The following TTC6 variants were observed in gnomAD, a reference collection of about 807,000 sequenced individuals.
TTC6 encodes tetratricopeptide repeat domain 6, also known as tetratricopeptide repeat protein 6.
In TTC6, 172 loss-of-function variants were observed where a neutral mutation model predicts 210.4. The observed-to-expected ratio is 0.82, with a 90% CI of 0.72 to 0.93. The LOEUF (loss-of-function observed/expected upper bound fraction) is 0.93, where lower values mean the gene tolerates loss of function less well. Ranked by LOEUF, TTC6 falls within the 40% of genes least tolerant of loss-of-function variation. TTC6 has a pLI of 0.00. For missense variants in TTC6, 2,414 were observed against 2,318.1 expected (o/e 1.04, Z -0.85); for synonymous variants, 804 against 819.6 (o/e 0.98, Z 0.32).
chr14:37,721,096 A>AAG (rs2095861027), intron 6 of TTC6, among the ~76,000 whole-genome samples: 1 of 151,642 alleles, frequency 6.6e-6, no homozygotes, highest in Non-Finnish European at 1.5e-5. Flanking sequence ...AAAAAAAAAA[A>AAG]GAAAAATAAG....
intron 1 of TTC6, among the ~76,000 whole-genome samples, chr14:37,623,785 C>T (rs117205238): frequency 2.4e-4 from 36 of 152,310 alleles, no homozygotes; most frequent in Non-Finnish European, 5.0e-4. Flanking sequence ...CATTGATTCA[C>T]TATGACTTGT....
intron 15 of TTC6, among the ~76,000 whole-genome samples, chr14:37,789,470 T>C (rs1374681320): frequency 1.3e-5 from 2 of 151,706 alleles, no homozygotes; most frequent in Admixed American, 6.6e-5. Context: ...ATAATGATGT[T>C]TCGGTCAAAA....
At chr14:37,741,781 C>T (rs1221600944) in intron 10 of TTC6, among the ~76,000 whole-genome samples, 2 of 152,140 alleles carry the variant, frequency 1.3e-5, no homozygotes, top group Non-Finnish European at 2.9e-5. Context: ...GCTACTGGAG[C>T]CATCTCACCC....
In TTC6 at chr14:37,724,878, C is replaced by G. The variant is rs1034373031; in HGVS notation, c.1714-20C>G. 1.4e-6 allele frequency: 2 copies of G among 1,396,460 alleles called. No individual in the cohort carries two copies. The highest frequency in any genetic ancestry group is 1.9e-6 in the Non-Finnish European group (2 of 1,034,676). 86.5% of individuals were successfully genotyped at this position (1,396,460 alleles called of 1,614,324 possible). ...GCCATTTCTTACCATTTCTAATAAC[C>G]TTTTATGTTATTTTCAAAGATGTAT... On this transcript the variant is annotated intron_variant, in intron 6 of 30. Transcript: ENST00000553443.
Position 37,685,732 on chromosome 14 carries a change from G to T in TTC6, c.1257+2768G>T, listed in dbSNP as rs538707281. 3.3e-5 allele frequency among the ~76,000 whole-genome samples: 5 copies of T among 152,240 alleles called. No individual in the cohort carries two copies. In the South Asian group the frequency reaches 8.3e-4, roughly 25 times the overall value. ...GTTAACTTGAATATCTGAGCCTGCTGGATGGCTCAGATAGATGGGTTTAAG... is the reference window on the plus strand; with the variant it reads ...GTTAACTTGAATATCTGAGCCTGCTTGATGGCTCAGATAGATGGGTTTAAG... On this transcript the variant is annotated intron_variant, in intron 3 of 30. Coordinates refer to ENST00000553443, the Ensembl canonical transcript of TTC6.
intron 1 of TTC6, among the ~76,000 whole-genome samples, chr14:37,601,861 A>C (rs1828920573): frequency 6.6e-6 from 1 of 152,240 alleles, no homozygotes; most frequent in South Asian, 2.1e-4. Flanking sequence ...GTAGAAAGGC[A>C]GCATCCACAC....
intron 7 of TTC6, 33 bp downstream of exon 9, chr14:37,725,035 T>C (rs1051591540): frequency 1.6e-4 from 191 of 1,168,816 alleles, no homozygotes; most frequent in Non-Finnish European, 2.1e-4. Flanking sequence ...TCTATTATTG[T>C]TGTTGTTATT....
intron 14 of TTC6, among the ~76,000 whole-genome samples, chr14:37,784,388 G>C (rs542711897): frequency 5.9e-5 from 9 of 152,194 alleles, no homozygotes; most frequent in African/African-American, 1.7e-4. Context: ...GCCTCCTTGT[G>C]TCTTTTGATC....
At chr14:37,675,612 A>T (rs1356902926) in intron 1 of TTC6, among the ~76,000 whole-genome samples, 1 of 152,064 alleles carries the variant, frequency 6.6e-6, no homozygotes, top group Non-Finnish European at 1.5e-5. Context: ...TTGCTGTGTC[A>T]GTTGGTAATA....
intron 14 of TTC6, among the ~76,000 whole-genome samples, chr14:37,780,662 G>A (rs1595251756): frequency 6.6e-6 from 1 of 151,890 alleles, no homozygotes; most frequent in South Asian, 2.1e-4. Context: ...TAAGTTCTGG[G>A]TTACATCTGC....
At chr14:37,692,145 T>TGC (rs2095804605) in intron 3 of TTC6, among the ~76,000 whole-genome samples, 1 of 132,900 alleles carries the variant, frequency 7.5e-6, no homozygotes, top group Admixed American at 9.1e-5. Flanking sequence ...TAGAAGGGAA[T>TGC]GCTTCCAAAC....
chr14:37,840,466 G>C (rs1265781688), intron 29 of TTC6, among the ~76,000 whole-genome samples: 2 of 152,188 alleles, frequency 1.3e-5, no homozygotes, highest in African/African-American at 2.4e-5. Flanking sequence ...TAGAAAGAGA[G>C]GGAATCCTCC....
chr14:37,769,098 T>A (rs1440881782), intron 14 of TTC6, among the ~76,000 whole-genome samples: 3 of 150,934 alleles, frequency 2.0e-5, no homozygotes, highest in Non-Finnish European at 3.0e-5. Flanking sequence ...ATATGCTGGA[T>A]TACATTTATT....
intron 1 of TTC6, among the ~76,000 whole-genome samples, chr14:37,662,489 C>G (rs1176604771): frequency 6.6e-6 from 1 of 152,062 alleles, no homozygotes; most frequent in African/African-American, 2.4e-5. Flanking sequence ...GCCTTGCATC[C>G]TGGGACTGAA....
intron 5 of TTC6, among the ~76,000 whole-genome samples, chr14:37,707,259 G>T (rs904013377): frequency 1.3e-5 from 2 of 151,882 alleles, no homozygotes; most frequent in Non-Finnish European, 1.5e-5. Context: ...ATTAATTTTT[G>T]GGGGTACATG....
At chr14:37,600,208 G>A (rs1048141129) in intron 1 of TTC6, among the ~76,000 whole-genome samples, 1 of 152,186 alleles carries the variant, frequency 6.6e-6, no homozygotes, top group Non-Finnish European at 1.5e-5. Flanking sequence ...CACAGACTTG[G>A]CAGGGTGCTT....
intron 29 of TTC6, among the ~76,000 whole-genome samples, chr14:37,833,444 T>C (rs2096190727): frequency 6.6e-6 from 1 of 152,194 alleles, no homozygotes; most frequent in East Asian, 1.9e-4. Context: ...GGTTCTGTTT[T>C]GTAGGAAATA....
chr14:37,738,979 C>G, exon 10 of TTC6: 2 of 1,535,074 alleles, frequency 1.3e-6, no homozygotes, highest in Non-Finnish European at 1.7e-6. Context: ...ATAACATGTG[C>G]GAAAAACACA....
intron 1 of TTC6, among the ~76,000 whole-genome samples, chr14:37,675,453 A>C (rs2095767054): frequency 6.6e-6 from 1 of 152,090 alleles, no homozygotes; most frequent in African/African-American, 2.4e-5. Context: ...GATATACCAA[A>C]TTTTGTTTAT....
Sources: gnomAD v4.1 joint callset for allele counts (sites outside exome capture counted in the v4.1 genomes callset) on GRCh38, gnomAD v4.1.1 for gene constraint, MANE v1.5 for transcripts, NCBI Gene and HGNC (gene_info 2026-07-23, HGNC 2026-07-21) for gene names.